The following RARS2 variants were observed in gnomAD, a reference collection of about 807,000 sequenced individuals.
RARS2 encodes the protein probable arginine--tRNA ligase, mitochondrial.
RARS2 carries 67 observed loss-of-function variants against 88.5 expected under a neutral mutation model. The observed-to-expected ratio is 0.76, with a 90% confidence interval of 0.62 to 0.93. The LOEUF (loss-of-function observed/expected upper bound fraction) is 0.93. RARS2 is among the 40% of genes least tolerant of loss of function. RARS2 has a pLI of 0.00. For missense variants in RARS2, 664 were observed against 684.2 expected, an observed-to-expected ratio of 0.97 and a Z score of 0.33; for synonymous variants, 239 against 230.3, an observed-to-expected ratio of 1.04 and a Z score of -0.34.
intron 10 of RARS2, among the ~76,000 whole-genome samples, chr6:87,525,101 T>C: frequency 6.6e-6 from 1 of 152,134 alleles, no homozygotes; most frequent in South Asian, 2.1e-4. Context: ...AATCTGTATA[T>C]GACAATCTAA....
Position 87,578,958 on chromosome 6 carries a change from C to CAAAAAAA in RARS2, c.37-9375_37-9369dup, listed in dbSNP as rs72383675. Among the ~76,000 whole-genome samples the CAAAAAAA allele has an allele frequency of 5.5e-4, 23 of 41,886 alleles. 5 individuals are homozygous for CAAAAAAA. Among genetic ancestry groups the CAAAAAAA allele is most frequent in the African/African-American group, 8.6e-4 (9 of 10,446 alleles). 27.5% of individuals were successfully genotyped at this position (41,886 alleles called of 152,430 possible). A position where few individuals can be genotyped will look rare whatever the true frequency, so the allele number is the denominator to read the frequency against. On this transcript the variant is annotated intron_variant, in intron 1 of 19. Coordinates refer to ENST00000369536, the MANE Select transcript of RARS2 (RefSeq NM_020320.5). ...CTGGAGACAGAGCGAGAGACTGTCTCAAAAAAAAAAAAAAAAAAAAAAAAA... is the reference window on the plus strand; with the variant it reads ...CTGGAGACAGAGCGAGAGACTGTCTCAAAAAAAAAAAAAAAAAAAAAAAAAAAAAAAA...
intron 1 of RARS2, among the ~76,000 whole-genome samples, chr6:87,575,605 C>T (rs2128206498): frequency 6.6e-6 from 1 of 152,124 alleles, no homozygotes; most frequent in South Asian, 2.1e-4. Flanking sequence ...ACTGTTTACA[C>T]CTGTGTAAAT....
intron 8 of RARS2, among the ~76,000 whole-genome samples, chr6:87,532,989 T>C (rs1488560964): frequency 6.6e-6 from 1 of 152,176 alleles, no homozygotes; most frequent in African/African-American, 2.4e-5. Context: ...AAAACATAAA[T>C]ATATATTCAC....
In RARS2 at chr6:87,541,549, C is replaced by T. The variant is rs182795540; in HGVS notation, c.612+369G>A. 1.9e-3 allele frequency among the ~76,000 whole-genome samples: 286 copies of T among 151,410 alleles called. 2 individuals are homozygous for T. In the East Asian group the frequency reaches 0.02, roughly 11 times the overall value. On this transcript the variant is annotated intron_variant, in intron 8 of 19. Transcript: ENST00000369536. Reference sequence around the variant, plus strand: ...ATTTTTTAAACCTCTGGAGGCTGGGCGTGGTGACTCACGCCTGTAATCCCA... The same window carrying T: ...ATTTTTTAAACCTCTGGAGGCTGGGTGTGGTGACTCACGCCTGTAATCCCA...
chr6:87,569,522 T>C lies in RARS2; in HGVS notation c.105A>G (p.Gln35=), dbSNP rs762878327. Residue 35 remains glutamine (Q), a synonymous_variant, in exon 2 of 20, where the codon CAA becomes CAG. Coordinates refer to ENST00000369536, the MANE Select transcript of RARS2 (RefSeq NM_020320.5). ...ACAAGTGTATTATACTTAACTCTTTTTGGGAAATTGGAACTGCAGATATTG... is the reference window on the plus strand; with the variant it reads ...ACAAGTGTATTATACTTAACTCTTTCTGGGAAATTGGAACTGCAGATATTG... ...ITSISAVPIS[Q]KEEVADFQLS... The C allele has an allele frequency of 6.3e-7, 1 of 1,590,824 alleles. No individual in the cohort carries two copies. The highest frequency in any genetic ancestry group is 1.1e-5 in the South Asian group (1 of 90,580).
chr6:87,551,618 C>T (rs1313136676), intron 5 of RARS2, among the ~76,000 whole-genome samples: 3 of 83,380 alleles, frequency 3.6e-5, no homozygotes, highest in East Asian at 3.2e-4. Flanking sequence ...AGCAAGACTC[C>T]GTCTCAACAA....
At chr6:87,565,696 A>G (rs1767660270) in intron 2 of RARS2, among the ~76,000 whole-genome samples, 1 of 152,204 alleles carries the variant, frequency 6.6e-6, no homozygotes, top group South Asian at 2.1e-4. Context: ...GTGCAAAAAA[A>G]ATTTTTTTAA....
At chr6:87,517,214 G>A (rs144544515) in intron 17 of RARS2, among the ~76,000 whole-genome samples, 193 of 152,214 alleles carry the variant, frequency 1.3e-3, no homozygotes, top group African/African-American at 4.0e-3. Flanking sequence ...GGAGGTGAAG[G>A]TTTCAGTGAG....
At chr6:87,531,038 C>T (rs1435053176) in intron 8 of RARS2, 96 bp from the exon 9 acceptor site, 7 of 1,560,414 alleles carry the variant, frequency 4.5e-6, no homozygotes, top group Non-Finnish European at 6.1e-6. Context: ...TGAGAATTCT[C>T]ATTTAAAATT....
At chr6:87,568,253 T>G (rs910564430) in intron 2 of RARS2, among the ~76,000 whole-genome samples, 2 of 152,180 alleles carry the variant, frequency 1.3e-5, no homozygotes, top group African/African-American at 4.8e-5. Flanking sequence ...ATCCCAGTAC[T>G]TTGGGAGACC....
chr6:87,521,350 C>T (rs1164641380), intron 12 of RARS2, 114 bp downstream of exon 12: 21 of 832,018 alleles, frequency 2.5e-5, no homozygotes, highest in Admixed American at 8.3e-5. Flanking sequence ...TTTAAACATA[C>T]TTAATGTTGA....
In RARS2 at chr6:87,518,639, C is replaced by T. The variant is rs759331139; in HGVS notation, c.1406G>A (p.Arg469His). 3.7e-6 allele frequency: 6 copies of T among 1,611,974 alleles called. No homozygotes were observed. Among genetic ancestry groups the T allele is most frequent in the Middle Eastern group, 1.6e-4 (1 of 6,068 alleles). Residue 469 changes from arginine to histidine, a missense_variant, in exon 16 of 20, where the codon CGC (arginine) becomes CAC (histidine). Arg to His is a conservative substitution (Grantham distance 29). Transcript: ENST00000369536. ...TGCAGCCTCTTCTCACCTGTGGAGG[C>T]GGGCGTGTGTGTACTGTAGGAAGAC... ...TGVFLQYTHA[R>H]LHSLEETFGC...
chr6:87,539,322 A>G (rs1439355373), intron 8 of RARS2, among the ~76,000 whole-genome samples: 1 of 152,202 alleles, frequency 6.6e-6, no homozygotes, highest in Admixed American at 6.5e-5. Flanking sequence ...TTAAGGACAA[A>G]TAGTGACTTC....
intron 1 of RARS2, among the ~76,000 whole-genome samples, chr6:87,583,880 C>T (rs1459318007): frequency 6.6e-6 from 1 of 152,136 alleles, no homozygotes; most frequent in Non-Finnish European, 1.5e-5. Flanking sequence ...ATACAAATAG[C>T]AATGGCATGA....
At chr6:87,562,847 T>C in intron 3 of RARS2, 62 bp from the exon 4 acceptor site, 1 of 1,284,760 alleles carries the variant, frequency 7.8e-7, no homozygotes, top group Middle Eastern at 2.0e-4. Flanking sequence ...AGATAGGTAG[T>C]TCTAATGCTA....
rs145042242 is a variant in RARS2, at chr6:87,517,277, CA to C, written c.1512-398del. ...TGGGCAACAGAGCAAGACTCCGTCTCAAAAAAAAAGAAGAGTAGAAGGATAT... is the reference window on the plus strand; with the variant it reads ...TGGGCAACAGAGCAAGACTCCGTCTCAAAAAAAAGAAGAGTAGAAGGATAT... On this transcript the variant is annotated intron_variant, in intron 17 of 19. Coordinates refer to ENST00000369536, the MANE Select transcript of RARS2 (RefSeq NM_020320.5). 2.0e-3 allele frequency among the ~76,000 whole-genome samples: 297 copies of C among 149,816 alleles called. 1 individual carries two copies. Among genetic ancestry groups the C allele is most frequent in the Non-Finnish European group, 2.9e-3 (198 of 67,430 alleles).
chr6:87,514,115 C>G lies in RARS2; in HGVS notation c.*298G>C, dbSNP rs1770744598. ...TAACCTGAGGTCGGGAGTGCAAGACCAGCCTGACCAACATAGAGAAACCCT... is the reference window on the plus strand; with the variant it reads ...TAACCTGAGGTCGGGAGTGCAAGACGAGCCTGACCAACATAGAGAAACCCT... On this transcript the variant is annotated 3_prime_UTR_variant, in exon 20 of 20. Coordinates refer to ENST00000369536, the MANE Select transcript of RARS2 (RefSeq NM_020320.5). Among the ~76,000 whole-genome samples the G allele has an allele frequency of 6.6e-6, 1 of 152,086 alleles. No individual in the cohort carries two copies. Among genetic ancestry groups the G allele is most frequent in the African/African-American group, 2.4e-5 (1 of 41,410 alleles).
intron 1 of RARS2, among the ~76,000 whole-genome samples, chr6:87,587,396 T>C (rs1265745464): frequency 6.6e-6 from 1 of 152,216 alleles, no homozygotes; most frequent in Non-Finnish European, 1.5e-5. Flanking sequence ...GAAAATATTA[T>C]TATTTATCCT....
At position 87,584,774 on chromosome 6, in the gene RARS2, G is replaced by A. The variant is rs150539505; in HGVS notation, c.36+5148C>T. ...GAAGTCATATCTCAGGAAGCTAAGA[G>A]ACAAGATGATGAATCCTTGTGCAGT... On this transcript the variant is annotated intron_variant, in intron 1 of 19. Coordinates refer to ENST00000369536, the MANE Select transcript of RARS2 (RefSeq NM_020320.5). The A allele has an allele frequency of 7.4e-3, 3,350 of 454,710 alleles. 20 individuals carry two copies. The highest frequency in any genetic ancestry group is 0.011 in the Non-Finnish European group (2,437 of 226,114). 28.2% of individuals were successfully genotyped at this position (454,710 alleles called of 1,614,324 possible). A position where few individuals can be genotyped will look rare whatever the true frequency, so the allele number is the denominator to read the frequency against.
Sources: allele counts gnomAD v4.1 joint callset (sites outside exome capture counted in the v4.1 genomes callset), GRCh38; gene constraint gnomAD v4.1.1; transcripts MANE v1.5; gene names NCBI Gene and HGNC (gene_info 2026-07-23, HGNC 2026-07-21).